Variants in NRXN2 observed in about 807,000 individuals in gnomAD.
NRXN2 encodes the protein neurexin-2-beta.
A neutral mutation model predicts 128.8 loss-of-function variants in NRXN2; 29 were observed. The ratio of observed to expected loss-of-function variants is 0.23; its 90% CI spans 0.17 to 0.31. The LOEUF is 0.31. NRXN2 is among the 10% of genes least tolerant of loss of function. The pLI is 1.00. For missense variants in NRXN2, 1,881 were observed against 2,452.6 expected (o/e 0.77, Z 4.92); for synonymous variants, 1,098 against 1,075.2 (o/e 1.02, Z -0.41).
chr11:64,712,734 A>G (rs746423881), intron 2 of NRXN2: 1 of 663,706 alleles, frequency 1.5e-6, no homozygotes. Context: ...AGGTCGCCGC[A>G]GGACTCACGC....
intron 2 of NRXN2, among the ~76,000 whole-genome samples, chr11:64,709,816 C>T (rs1309869734): frequency 2.6e-5 from 4 of 152,182 alleles, no homozygotes; most frequent in East Asian, 1.9e-4. Context: ...ACAGATACCA[C>T]ACACACATCA....
At chr11:64,643,171 G>A in intron 17 of NRXN2, 24 of 978,716 alleles carry the variant, frequency 2.5e-5, no homozygotes, top group Non-Finnish European at 2.9e-5. Flanking sequence ...GGCCAAGCAG[G>A]GAGGGGAGAG....
chr11:64,633,259 C>T (rs1443873769), intron 18 of NRXN2, among the ~76,000 whole-genome samples: 4 of 152,222 alleles, frequency 2.6e-5, no homozygotes, highest in East Asian at 1.9e-4. Flanking sequence ...GGGAGCCCTA[C>T]GCCCTAACCT....
chr11:64,674,384 T>G (rs1201736), intron 7 of NRXN2, among the ~76,000 whole-genome samples: 149,468 of 152,140 alleles, frequency 0.98, 73,479 homozygotes, highest in Middle Eastern at 1. Flanking sequence ...TAGAGACAGG[T>G]TTTCACCATG....
At position 64,620,299 on chromosome 11, in the gene NRXN2, C is replaced by T. The variant is rs1485925505; in HGVS notation, c.4247G>A (p.Ser1416Asn). The change falls in exon 22 of 23, where the codon AGT becomes AAT. Residue 1416 changes from serine to asparagine, a missense_variant. By Grantham distance (46) the Ser-to-Asn change is conservative (BLOSUM62 1). This residue lies in a region of NRXN2 where 310 missense variants were observed against 318.2 expected (regional missense o/e 0.97). Transcript: ENST00000265459. ...GAGGGGGGAAAGGCACTCACCAGTA[C>T]TGGGCTCACACTCCTCCAGGTCCTC... ...DDEDLEECEP[S>N]TGGELILPII... 1.3e-6 allele frequency: 2 copies of T among 1,552,184 alleles called. No individual in the cohort carries two copies. Among genetic ancestry groups the T allele is most frequent in the Non-Finnish European group, 1.7e-6 (2 of 1,147,364 alleles).
At chr11:64,688,433 G>A in intron 5 of NRXN2, 1 of 985,464 alleles carries the variant, frequency 1.0e-6, no homozygotes, top group Non-Finnish European at 1.2e-6. Context: ...GAGAGAGAGA[G>A]AGAACCTGAG....
chr11:64,607,394 C>T lies in NRXN2; in HGVS notation c.4941G>A (p.Ala1647=), dbSNP rs1306001379. Residue 1647 remains alanine, a synonymous_variant, in exon 23 of 23, where the codon GCG becomes GCA. Transcript: ENST00000265459. The part of the protein sequence containing the change: ...GMVVGIVAAA[A]LCILILLYAM... Reference sequence around the variant, plus strand: ...CGTAGAGGAGGATGAGGATGCAGAGCGCCGCCGCCGCCACAATGCCCACCA... The same window carrying T: ...CGTAGAGGAGGATGAGGATGCAGAGTGCCGCCGCCGCCACAATGCCCACCA... The T allele has an allele frequency of 6.2e-7, 1 of 1,612,392 alleles. No individual in the cohort carries two copies. Among genetic ancestry groups the T allele is most frequent in the Non-Finnish European group, 8.5e-7 (1 of 1,179,760 alleles).
intron 1 of NRXN2, among the ~76,000 whole-genome samples, chr11:64,715,701 T>C (rs1218564864): frequency 1.3e-5 from 2 of 152,024 alleles, no homozygotes; most frequent in Non-Finnish European, 2.9e-5. Flanking sequence ...AAGGCTCCAA[T>C]GGGGACCTGA....
chr11:64,689,103 G>A (rs911593507), intron 5 of NRXN2, among the ~76,000 whole-genome samples: 1 of 152,150 alleles, frequency 6.6e-6, no homozygotes, highest in Admixed American at 6.5e-5. Context: ...TGCACAGGCT[G>A]CTGTGGGCAC....
chr11:64,638,231 T>G (rs979248342), intron 17 of NRXN2, among the ~76,000 whole-genome samples: 12 of 152,226 alleles, frequency 7.9e-5, no homozygotes, highest in Non-Finnish European at 1.3e-4. Flanking sequence ...GCTGCCAGTT[T>G]ATTACGCTGG....
Position 64,713,904 on chromosome 11 carries a change from C to A in NRXN2, c.-205G>T, listed in dbSNP as rs1430587577. 2 of 167,678 alleles carry A rather than the reference C, an allele frequency of 1.2e-5. No homozygotes were observed. The highest frequency in any genetic ancestry group is 4.8e-5 in the African/African-American group (2 of 41,712). The allele number at this position is 167,678 out of a possible 1,614,324, so 10.4% of individuals were successfully genotyped here. A position where few individuals can be genotyped will look rare whatever the true frequency, so the allele number is the denominator to read the frequency against. On this transcript the variant is annotated 5_prime_UTR_variant, in exon 2 of 23. Coordinates refer to ENST00000265459, the MANE Select transcript of NRXN2 (RefSeq NM_015080.4). ...CTCAGGCGGCGGCGGCGGCGCCCCT[C>A]CCCCGCCGCGGGCTCCGACAGAAGA...
chr11:64,662,707 G>C (rs935444484), intron 9 of NRXN2, among the ~76,000 whole-genome samples: 2 of 152,034 alleles, frequency 1.3e-5, no homozygotes, highest in African/African-American at 4.8e-5. Context: ...GTGTGAACCC[G>C]GGAGGCAGAG....
intron 1 of NRXN2, among the ~76,000 whole-genome samples, chr11:64,722,727 C>G (rs966209064): frequency 1.3e-5 from 2 of 150,760 alleles, no homozygotes; most frequent in Non-Finnish European, 3.0e-5. Flanking sequence ...AAGACCCTTC[C>G]TCCCACCCCT....
chr11:64,697,773 A>T lies in NRXN2; in HGVS notation c.748+2T>A. ...CCCCAGTGACAGAGAGGCTTCACTC[A>T]CCTTCCATGGGGTGCTCCTCTGCAG... On this transcript the variant is annotated splice_donor_variant, in intron 3 of 22. Coordinates refer to ENST00000265459, the MANE Select transcript of NRXN2 (RefSeq NM_015080.4). LOFTEE classifies it high-confidence loss of function. 2 of 1,613,762 alleles carry T rather than the reference A, an allele frequency of 1.2e-6. No individual in the cohort carries two copies. Among genetic ancestry groups the T allele is most frequent in the Non-Finnish European group, 1.7e-6 (2 of 1,179,830 alleles).
intron 22 of NRXN2, among the ~76,000 whole-genome samples, chr11:64,613,335 CATG>C (rs1216270729): frequency 4.6e-5 from 7 of 152,250 alleles, no homozygotes; most frequent in Non-Finnish European, 1.0e-4. Flanking sequence ...CATATGTGAA[CATG>C]CCCCAGAACA....
chr11:64,722,411 C>T (rs1052736614), intron 1 of NRXN2, among the ~76,000 whole-genome samples: 2 of 152,030 alleles, frequency 1.3e-5, no homozygotes, highest in Admixed American at 6.5e-5. Context: ...CCTCTGCTCT[C>T]TCCCAATAAC....
At chr11:64,642,904 C>G in intron 17 of NRXN2, 1 of 1,029,286 alleles carries the variant, frequency 9.7e-7, no homozygotes, top group Non-Finnish European at 1.2e-6. Context: ...GCTCCGGGAG[C>G]GGGGTAGGGA....
At chr11:64,628,090 T>C (rs1453823528) in intron 19 of NRXN2, among the ~76,000 whole-genome samples, 1 of 152,260 alleles carries the variant, frequency 6.6e-6, no homozygotes, top group African/African-American at 2.4e-5. Context: ...AAGAGAAAAA[T>C]GTACATCTGC....
At chr11:64,633,007 C>G (rs1310004320) in intron 18 of NRXN2, among the ~76,000 whole-genome samples, 1 of 152,142 alleles carries the variant, frequency 6.6e-6, no homozygotes, top group Non-Finnish European at 1.5e-5. Context: ...CAGGGGGCCT[C>G]AGCCCATCTG....
Sources: allele counts gnomAD v4.1 joint callset (sites outside exome capture counted in the v4.1 genomes callset), GRCh38; gene constraint gnomAD v4.1.1; regional missense constraint gnomAD v4.1.1; transcripts MANE v1.5; gene names NCBI Gene and HGNC (gene_info 2026-07-23, HGNC 2026-07-21).